The following FRMD5 variants were observed in gnomAD, a reference collection of about 807,000 sequenced individuals.
FRMD5 encodes FERM domain containing 5, also known as FERM domain-containing protein 5.
A neutral mutation model predicts 69.0 loss-of-function variants in FRMD5; 20 were observed. The observed-to-expected ratio is 0.29, with a 90% confidence interval of 0.20 to 0.42. The LOEUF is 0.42. FRMD5 is among the 10% of genes least tolerant of loss of function. The pLI is 1.00. For synonymous variants in FRMD5, 271 were observed against 260.1 expected (o/e 1.04, Z -0.40); for missense variants, 595 against 708.6 (o/e 0.84, Z 1.82).
intron 6 of FRMD5, among the ~76,000 whole-genome samples, chr15:43,905,504 C>T (rs964237101): frequency 1.3e-5 from 2 of 152,160 alleles, no homozygotes; most frequent in South Asian, 2.1e-4. Context: ...TTCATGCTTT[C>T]CTCTGTATCT....
At position 43,879,816 on chromosome 15, in the gene FRMD5, C is replaced by G. The variant is rs1411794396; in HGVS notation, c.1135+3887G>C. On this transcript the variant is annotated intron_variant, in intron 13 of 13. Coordinates refer to ENST00000417257, the MANE Select transcript of FRMD5 (RefSeq NM_032892.5). ...TCTGCAGATCCCACATCATAGCAGC[C>G]CCTTGGCAGTGCCTCGCGTGTTGCA... 4 of 396,868 alleles carry G rather than the reference C, an allele frequency of 1.0e-5. No individual in the cohort carries two copies. The East Asian group carries it at 1.4e-4, about 14-fold the overall frequency. The allele number at this position is 396,868 out of a possible 1,614,324, so 24.6% of individuals were successfully genotyped here.
At position 43,930,943 on chromosome 15, in the gene FRMD5, C is replaced by G. The variant is rs955836772; in HGVS notation, c.103-6634G>C. Among the ~76,000 whole-genome samples, 5 of 152,218 alleles carry G rather than the reference C, an allele frequency of 3.3e-5. No homozygotes were observed. The East Asian group carries it at 9.6e-4, about 29-fold the overall frequency. On this transcript the variant is annotated intron_variant, in intron 1 of 13. Transcript: ENST00000417257. ...AGACTCAACAAGGGCAATTAAGACC[C>G]TCTGAGCAGAACTTCAAACCTGCTG... is the stretch of plus-strand genomic sequence containing the variant.
chr15:43,972,486 G>T (rs1176668913), intron 1 of FRMD5, among the ~76,000 whole-genome samples: 2 of 152,052 alleles, frequency 1.3e-5, no homozygotes, highest in Non-Finnish European at 2.9e-5. Context: ...CACCTGATAA[G>T]AAAACCTTTC....
chr15:43,912,253 C>T lies in FRMD5; in HGVS notation c.330-2274G>A, dbSNP rs776707670. ...GCCTGGAAGTTAATAAGAACCCATCCCCTCACTCCCACCAACCCTACTCTG... is the reference window on the plus strand; with the variant it reads ...GCCTGGAAGTTAATAAGAACCCATCTCCTCACTCCCACCAACCCTACTCTG... On this transcript the variant is annotated intron_variant, in intron 4 of 13. Coordinates refer to ENST00000417257, the MANE Select transcript of FRMD5 (RefSeq NM_032892.5). Among the ~76,000 whole-genome samples, 3 of 152,126 alleles carry T rather than the reference C, an allele frequency of 2.0e-5. No individual in the cohort carries two copies. In the East Asian group the frequency reaches 5.8e-4, roughly 29 times the overall value.
intron 8 of FRMD5, 98 bp from the exon 9 acceptor site, chr15:43,888,970 C>T: frequency 1.0e-6 from 1 of 962,352 alleles, no homozygotes; most frequent in Non-Finnish European, 1.6e-6. Flanking sequence ...GAAGGGGCTC[C>T]AGGCACAGAC....
At chr15:44,025,253 T>C (rs1566905630) in intron 1 of FRMD5, among the ~76,000 whole-genome samples, 1 of 152,058 alleles carries the variant, frequency 6.6e-6, no homozygotes, top group Non-Finnish European at 1.5e-5. Flanking sequence ...AAAAAAATAA[T>C]TAAATGCTAT....
At chr15:44,026,763 C>T (rs1891445513) in intron 1 of FRMD5, among the ~76,000 whole-genome samples, 2 of 152,152 alleles carry the variant, frequency 1.3e-5, no homozygotes, top group Non-Finnish European at 2.9e-5. Context: ...CCAGAGGAAT[C>T]CTAAGCATTT....
intron 1 of FRMD5, among the ~76,000 whole-genome samples, chr15:43,947,767 C>A (rs1198610505): frequency 6.6e-6 from 1 of 152,148 alleles, no homozygotes; most frequent in Non-Finnish European, 1.5e-5. Context: ...TTCAATCTCC[C>A]TTATTGCTGA....
chr15:44,088,022 A>G (rs1252479214), intron 1 of FRMD5, among the ~76,000 whole-genome samples: 1 of 152,172 alleles, frequency 6.6e-6, no homozygotes, highest in African/African-American at 2.4e-5. Context: ...GCATTTCGTG[A>G]ACATCTACCA....
chr15:43,989,382 G>A (rs1350438103), intron 1 of FRMD5: 2 of 785,222 alleles, frequency 2.5e-6, no homozygotes, highest in Non-Finnish European at 4.7e-6. Flanking sequence ...GGGATTCCAT[G>A]CCCAGGAAGG....
At chr15:44,030,885 G>T (rs1206315341) in intron 1 of FRMD5, among the ~76,000 whole-genome samples, 13 of 152,056 alleles carry the variant, frequency 8.5e-5, no homozygotes, top group African/African-American at 3.1e-4. Context: ...GAGAATAATG[G>T]TCTGAACTAA....
At chr15:44,015,138 CTTT>C (rs768779001) in intron 1 of FRMD5, among the ~76,000 whole-genome samples, 1 of 144,116 alleles carries the variant, frequency 6.9e-6, no homozygotes, top group Admixed American at 7.0e-5. Context: ...CTTACTGAAA[CTTT>C]TTTTTTTTTT....
chr15:43,969,254 A>T (rs1468783035), intron 1 of FRMD5, among the ~76,000 whole-genome samples: 2 of 151,766 alleles, frequency 1.3e-5, no homozygotes, highest in African/African-American at 4.8e-5. Flanking sequence ...TGTAATTTTT[A>T]AATTTTTTGT....
rs80116767 is a variant in FRMD5, at chr15:43,947,222, G to A, written c.103-22913C>T. Among the ~76,000 whole-genome samples the A allele has an allele frequency of 8.8e-3, 1,343 of 152,262 alleles. 75 individuals carry two copies. Among genetic ancestry groups the A allele is most frequent in the Admixed American group, 0.077 (1,179 of 15,284 alleles). ...TCACTTTTAGCCAGCATTACACAGC[G>A]GTGGCTGCTAGATATTTACCTTGAG... On this transcript the variant is annotated intron_variant, in intron 1 of 13. Transcript: ENST00000417257.
intron 1 of FRMD5, among the ~76,000 whole-genome samples, chr15:43,934,388 CTGTTA>C (rs2089724489): frequency 6.6e-6 from 1 of 152,174 alleles, no homozygotes; most frequent in Non-Finnish European, 1.5e-5. Context: ...TCCTCTGATT[CTGTTA>C]TTAGTCAATC....
chr15:44,122,924 AT>A (rs1566957928), intron 1 of FRMD5, among the ~76,000 whole-genome samples: 1 of 152,042 alleles, frequency 6.6e-6, no homozygotes, highest in African/African-American at 2.4e-5. Context: ...AAAACCTCTA[AT>A]TTAATAAGTT....
At chr15:43,916,590 C>T (rs2089391770) in intron 4 of FRMD5, among the ~76,000 whole-genome samples, 1 of 151,876 alleles carries the variant, frequency 6.6e-6, no homozygotes, top group African/African-American at 2.4e-5. Flanking sequence ...ATCACTATCC[C>T]CATTTTATAA....
intron 1 of FRMD5, among the ~76,000 whole-genome samples, chr15:44,076,583 T>A (rs1252878556): frequency 7.2e-6 from 1 of 139,598 alleles, no homozygotes; most frequent in Admixed American, 7.7e-5. Context: ...TGAGATCACA[T>A]GGACACAGGA....
chr15:44,094,310 G>A (rs527806757), intron 1 of FRMD5, among the ~76,000 whole-genome samples: 2 of 152,246 alleles, frequency 1.3e-5, no homozygotes, highest in South Asian at 2.1e-4. Flanking sequence ...TCCTAGGTCC[G>A]GGCTGGCTTT....
Sources: gnomAD v4.1 joint callset for allele counts (sites outside exome capture counted in the v4.1 genomes callset) on GRCh38, gnomAD v4.1.1 for gene constraint, MANE v1.5 for transcripts, NCBI Gene and HGNC (gene_info 2026-07-23, HGNC 2026-07-21) for gene names.